Variants in ANGPT2 observed in about 807,000 individuals in gnomAD.
The protein encoded by ANGPT2 is angiopoietin-2.
A neutral mutation model predicts 62.9 loss-of-function variants in ANGPT2; 28 were observed. That is an observed-to-expected ratio of 0.44 (90% confidence interval 0.33 to 0.61). The LOEUF is 0.61. ANGPT2 is among the 20% of genes least tolerant of loss of function. The pLI is 0.03. For missense variants in ANGPT2, 727 were observed against 594.9 expected (o/e 1.22, Z -2.31); for synonymous variants, 284 against 207.8 (o/e 1.37, Z -3.15).
intron 8 of ANGPT2, among the ~76,000 whole-genome samples, chr8:6,506,021 A>G (rs1813654292): frequency 6.9e-6 from 1 of 145,542 alleles, no homozygotes. Context: ...ATGTATATAT[A>G]TAAAAACATA....
intron 4 of ANGPT2, 107 bp from the exon 5 acceptor site, chr8:6,520,098 A>T: frequency 7.8e-7 from 1 of 1,285,848 alleles, no homozygotes; most frequent in Non-Finnish European, 1.1e-6. Context: ...TGGAATTCTT[A>T]AGTAAGCAAA....
At chr8:6,512,903 A>G (rs1382983066) in intron 7 of ANGPT2, among the ~76,000 whole-genome samples, 1 of 152,216 alleles carries the variant, frequency 6.6e-6, no homozygotes, top group East Asian at 1.9e-4. Context: ...TAACTCTGCC[A>G]TCTCTAAACT....
chr8:6,560,743 CGTT>C (rs1274814990), intron 1 of ANGPT2, among the ~76,000 whole-genome samples: 2 of 152,158 alleles, frequency 1.3e-5, no homozygotes, highest in Admixed American at 6.5e-5. Context: ...ACATAGAACT[CGTT>C]GTCTTTTTCT....
In ANGPT2 at chr8:6,499,756, G is replaced by A. The variant is rs1586135896; in HGVS notation, c.*3345C>T. On this transcript the variant is annotated 3_prime_UTR_variant, in exon 9 of 9. Transcript: ENST00000629816. ...CACATCTATTTCAGATCTGCGGAGT[G>A]TATCACTTTTTGCTGTGTCTTCAAA... The A allele has an allele frequency of 9.1e-6, 9 of 992,716 alleles. No individual in the cohort carries two copies. The highest frequency in any genetic ancestry group is 1.6e-5 in the African/African-American group (1 of 63,254). 61.5% of individuals were successfully genotyped at this position (992,716 alleles called of 1,614,324 possible). A position where few individuals can be genotyped will look rare whatever the true frequency, so the allele number is the denominator to read the frequency against.
chr8:6,549,347 G>GGA (rs1823176587), intron 1 of ANGPT2, among the ~76,000 whole-genome samples: 3 of 152,202 alleles, frequency 2.0e-5, no homozygotes, highest in Non-Finnish European at 4.4e-5. Flanking sequence ...AGACCAAAAA[G>GGA]GAGTATGTAC....
At chr8:6,534,023 C>T (rs1311408218) in intron 1 of ANGPT2, among the ~76,000 whole-genome samples, 2 of 152,054 alleles carry the variant, frequency 1.3e-5, no homozygotes, top group African/African-American at 2.4e-5. Context: ...CGACTCTGCC[C>T]CACTTCTCTA....
intron 1 of ANGPT2, among the ~76,000 whole-genome samples, chr8:6,538,759 T>G (rs1160551855): frequency 2.0e-5 from 3 of 152,368 alleles, no homozygotes; most frequent in African/African-American, 7.2e-5. Context: ...GTTAATGTTC[T>G]TGCTTGCTTG....
At chr8:6,534,472 T>C (rs1489242427) in intron 1 of ANGPT2, among the ~76,000 whole-genome samples, 1 of 152,132 alleles carries the variant, frequency 6.6e-6, no homozygotes, top group Non-Finnish European at 1.5e-5. Flanking sequence ...GCTCCAAGCA[T>C]GTGTAAAATC....
At chr8:6,542,289 G>A (rs1049086225) in intron 1 of ANGPT2, among the ~76,000 whole-genome samples, 1 of 150,272 alleles carries the variant, frequency 6.7e-6, no homozygotes, top group Non-Finnish European at 1.5e-5. Context: ...ATGTGAGGTA[G>A]GGGTGTGTGT....
At chr8:6,524,643 T>G (rs1222284980) in intron 3 of ANGPT2, among the ~76,000 whole-genome samples, 1 of 152,186 alleles carries the variant, frequency 6.6e-6, no homozygotes, top group Non-Finnish European at 1.5e-5. Context: ...AATCAAGAAA[T>G]GAAAGCATCA....
chr8:6,520,123 T>C, intron 4 of ANGPT2, 132 bp from the exon 5 acceptor site: 1 of 987,438 alleles, frequency 1.0e-6, no homozygotes, highest in South Asian at 2.2e-5. Context: ...TGTACCACTT[T>C]TTTAACCTTT....
At chr8:6,555,341 A>G (rs1280411344) in intron 1 of ANGPT2, among the ~76,000 whole-genome samples, 3 of 152,150 alleles carry the variant, frequency 2.0e-5, no homozygotes, top group African/African-American at 4.8e-5. Context: ...GTCCTGTGAA[A>G]TCCAGCGTTT....
chr8:6,558,244 G>A (rs1413918134), intron 1 of ANGPT2, among the ~76,000 whole-genome samples: 1 of 152,170 alleles, frequency 6.6e-6, no homozygotes, highest in Admixed American at 6.5e-5. Context: ...AAATCTCTGA[G>A]TGCTAATCTC....
intron 1 of ANGPT2, among the ~76,000 whole-genome samples, chr8:6,545,158 G>T (rs1031501946): frequency 1.3e-5 from 2 of 152,116 alleles, no homozygotes; most frequent in Admixed American, 1.3e-4. Flanking sequence ...ATAGAAGTCA[G>T]AATAATGTCT....
chr8:6,529,667 G>A (rs1278847980), intron 2 of ANGPT2, among the ~76,000 whole-genome samples: 2 of 130,466 alleles, frequency 1.5e-5, no homozygotes, highest in Non-Finnish European at 3.2e-5. Flanking sequence ...GTTTCACCAT[G>A]TTGCTCAAGC....
At chr8:6,526,940 T>A (rs1187832075) in intron 3 of ANGPT2, among the ~76,000 whole-genome samples, 1 of 152,194 alleles carries the variant, frequency 6.6e-6, no homozygotes, top group Non-Finnish European at 1.5e-5. Flanking sequence ...ATTAATATAA[T>A]CATGTTTAAT....
rs1335959753 is a variant in ANGPT2, at chr8:6,527,626, G to T, written c.495C>A (p.Leu165=). The T allele has an allele frequency of 2.5e-6, 4 of 1,613,992 alleles. No individual in the cohort carries two copies. The highest frequency in any genetic ancestry group is 3.4e-6 in the Non-Finnish European group (4 of 1,179,930). ...RLELQLLEHS[L]STNKLEKQIL... ...TCTGTTTTTCCAATTTGTTTGTCGA[G>T]AGGGAGTGTTCCAAGAGCTGAAGTT... Residue 165 remains leucine (L), a synonymous_variant, in exon 3 of 9, where the codon CTC becomes CTA. Transcript: ENST00000629816.
chr8:6,515,035 A>C (rs1053204901), intron 5 of ANGPT2, among the ~76,000 whole-genome samples: 1 of 152,234 alleles, frequency 6.6e-6, no homozygotes, highest in African/African-American at 2.4e-5. Flanking sequence ...CTCACTTGTC[A>C]TCATCTGTTC....
At chr8:6,507,927 T>C (rs1432386529) in intron 8 of ANGPT2, 1 of 152,182 alleles carries the variant, frequency 6.6e-6, no homozygotes, top group Non-Finnish European at 1.5e-5. Flanking sequence ...GTTTGAACTC[T>C]CAAATGTTTC....
Sources: gnomAD v4.1 joint callset for allele counts (sites outside exome capture counted in the v4.1 genomes callset) on GRCh38, gnomAD v4.1.1 for gene constraint, MANE v1.5 for transcripts, NCBI Gene and HGNC (gene_info 2026-07-23, HGNC 2026-07-21) for gene names.